The following PAK4 variants were observed in gnomAD, a reference collection of about 807,000 sequenced individuals.
PAK4 encodes the protein serine/threonine-protein kinase PAK 4.
Under a neutral mutation model 53.5 loss-of-function variants are expected in PAK4, and 49 were observed. The observed-to-expected ratio is 0.92, with a 90% CI of 0.73 to 1.16. PAK4 has a LOEUF of 1.16. Among genes scored for constraint, PAK4 ranks in the 50% most tolerant of loss-of-function variants. PAK4 has a pLI of 0.00. For missense variants in PAK4, 824 were observed against 850.7 expected (o/e 0.97, Z 0.39); for synonymous variants, 376 against 375.6 (o/e 1.00, Z -0.01).
At chr19:39,137,883 G>A (rs2073845004) in intron 1 of PAK4, among the ~76,000 whole-genome samples, 1 of 151,978 alleles carries the variant, frequency 6.6e-6, no homozygotes, top group South Asian at 2.1e-4. Context: ...AGCCAGGATG[G>A]TCTCGATCTC....
At chr19:39,136,821 C>G (rs1278874649) in intron 1 of PAK4, among the ~76,000 whole-genome samples, 2 of 152,198 alleles carry the variant, frequency 1.3e-5, no homozygotes, top group African/African-American at 4.8e-5. Context: ...CTAATGGGGA[C>G]CCGCCCTGGG....
intron 1 of PAK4, among the ~76,000 whole-genome samples, chr19:39,128,666 T>C (rs1028993353): frequency 1.3e-5 from 2 of 152,218 alleles, no homozygotes; most frequent in Non-Finnish European, 2.9e-5. Flanking sequence ...TCGTCTGGCC[T>C]GGGACAGAAC....
rs911935205 is a variant in PAK4 at position 39,178,464 on chromosome 19, T to C, written c.1661T>C (p.Val554Ala). 2 of 1,603,034 alleles carry C rather than the reference T, an allele frequency of 1.2e-6. No individual in the cohort carries two copies. Among genetic ancestry groups the C allele is most frequent in the African/African-American group, 2.7e-5 (2 of 74,612 alleles). The stretch of plus-strand genomic sequence containing the variant: ...AAGGGCTTCCTGGACCGCCTGCTGG[T>C]GCGAGACCCTGCCCAGCGGGCCACG... The change falls in exon 9 of 9, where the codon GTG becomes GCG. Residue 554 changes from valine (V) to alanine (A), a missense_variant. Transcript: ENST00000358301. The surrounding 1 kb of genome is among the most constrained non-coding windows in gnomAD (Gnocchi z 4.4).
At chr19:39,158,752 G>C (rs1279484354) in intron 1 of PAK4, among the ~76,000 whole-genome samples, 1 of 152,158 alleles carries the variant, frequency 6.6e-6, no homozygotes, top group Non-Finnish European at 1.5e-5. Context: ...TGGGGACACA[G>C]AGATGGCCCC....
chr19:39,178,375 A>G lies in PAK4; in HGVS notation c.1621-49A>G, dbSNP rs1333686633. The G allele has an allele frequency of 5.2e-6, 8 of 1,547,522 alleles. No individual in the cohort carries two copies. Among genetic ancestry groups the G allele is most frequent in the Non-Finnish European group, 6.1e-6 (7 of 1,146,374 alleles). ...GGCGGACACTGCAGCCCTACAGCAA[A>G]TGAACAGTGGGGAGCCTCGCCCCCT... On this transcript the variant is annotated intron_variant, in intron 8 of 8. Coordinates refer to ENST00000358301, the Ensembl canonical transcript of PAK4. This position sits in a 1 kb window ranked among gnomAD's most constrained non-coding sequence, Gnocchi z 4.4.
intron 4 of PAK4, 81 bp from the exon 6 acceptor site, chr19:39,174,839 AACTGCAGGGGG>A (rs1600408332): frequency 1.4e-6 from 2 of 1,471,442 alleles, no homozygotes; most frequent in Middle Eastern, 1.9e-4. Context: ...CTTAATGTGG[AACTGCAGGGGG>A]AGCCAGGGGG....
At chr19:39,126,074 G>A (rs2073570741) in intron 1 of PAK4, among the ~76,000 whole-genome samples, 155 bp downstream of exon 1, 1 of 152,140 alleles carries the variant, frequency 6.6e-6, no homozygotes, top group Non-Finnish European at 1.5e-5. Flanking sequence ...GCAGACTGGA[G>A]GGAGTTGTAG....
chr19:39,171,208 G>GTTTT (rs34497285), intron 2 of PAK4, among the ~76,000 whole-genome samples: 4 of 135,464 alleles, frequency 3.0e-5, no homozygotes, highest in African/African-American at 5.5e-5. Context: ...CTCCCTGTTG[G>GTTTT]TTTTTTTTTT....
At chr19:39,137,136 T>C (rs180809320) in intron 1 of PAK4, among the ~76,000 whole-genome samples, 113 of 151,590 alleles carry the variant, frequency 7.5e-4, no homozygotes, top group East Asian at 1.8e-3. Flanking sequence ...TGGTGCCTGA[T>C]ACATAAATAT....
chr19:39,150,167 T>C (rs2074070204), intron 1 of PAK4, among the ~76,000 whole-genome samples: 1 of 82,648 alleles, frequency 1.2e-5, no homozygotes, highest in Non-Finnish European at 2.7e-5. Flanking sequence ...GAGTTCTCTG[T>C]CCTGTTCCGC....
chr19:39,160,059 A>G (rs1327661229), intron 1 of PAK4, among the ~76,000 whole-genome samples: 1 of 152,136 alleles, frequency 6.6e-6, no homozygotes, highest in Non-Finnish European at 1.5e-5. Context: ...TGCAGTGGGG[A>G]GGGCCTGGGC....
rs543745548 is a variant in PAK4 at position 39,168,312 on chromosome 19, G to C, written c.-22-1220G>C. 4.0e-5 allele frequency: 6 copies of C among 151,690 alleles called. No homozygotes were observed. Among genetic ancestry groups the C allele is most frequent in the African/African-American group, 1.5e-4 (6 of 40,874 alleles). The allele number at this position is 151,690 out of a possible 1,614,324, so 9.4% of individuals were successfully genotyped here. ...ACCAGCATCAGACCAGGTGTGTGCA[G>C]GTGTGTGCGACTCCAGGGCCCAGGC... On this transcript the variant is annotated intron_variant, in intron 1 of 8. Transcript: ENST00000358301.
chr19:39,174,557 G>A (rs547890075), intron 4 of PAK4, among the ~76,000 whole-genome samples: 14 of 151,912 alleles, frequency 9.2e-5, no homozygotes, highest in Non-Finnish European at 2.1e-4. Flanking sequence ...TCACAGTGCC[G>A]GGCTGCACCA....
In PAK4 at chr19:39,156,341, A is replaced by C. The variant is rs571191207; in HGVS notation, c.-22-13191A>C. Reference sequence around the variant, plus strand: ...CCCCTGTCACTCCCCAGCCACCCCCACGTACATACCCTGGTCCCTTGTTTC... The same window carrying C: ...CCCCTGTCACTCCCCAGCCACCCCCCCGTACATACCCTGGTCCCTTGTTTC... On this transcript the variant is annotated intron_variant, in intron 1 of 8. Coordinates refer to ENST00000358301, the Ensembl canonical transcript of PAK4. Among the ~76,000 whole-genome samples, 3 of 134,952 alleles carry C rather than the reference A, an allele frequency of 2.2e-5. No individual in the cohort carries two copies. In the East Asian group the frequency reaches 6.5e-4, roughly 29 times the overall value. 88.5% of individuals were successfully genotyped at this position (134,952 alleles called of 152,430 possible). A position where few individuals can be genotyped will look rare whatever the true frequency, so the allele number is the denominator to read the frequency against.
chr19:39,174,142 C>T (rs1226775957), intron 4 of PAK4, 132 bp downstream of exon 5: 1 of 660,726 alleles, frequency 1.5e-6, no homozygotes, highest in East Asian at 2.7e-5. Flanking sequence ...ACTCTTCTCC[C>T]TCCCCAGGCC....
At chr19:39,146,447 A>G (rs1395057458) in intron 1 of PAK4, among the ~76,000 whole-genome samples, 2 of 152,378 alleles carry the variant, frequency 1.3e-5, no homozygotes, top group East Asian at 1.9e-4. Flanking sequence ...AAAGGCTAAA[A>G]GTTGGGAAAG....
At position 39,173,924 on chromosome 19, in the gene PAK4, G is replaced by A. The variant is rs1408964284; in HGVS notation, c.1012G>A (p.Ala338Thr). Residue 338 changes from alanine (A) to threonine (T), a missense_variant, in exon 4 of 9, where the codon GCC becomes ACC. Around this residue, in one of 2 missense-constraint regions of PAK4, gnomAD observed 346 missense variants for 415.0 expected, o/e 0.83. Transcript: ENST00000358301. This position sits in a 1 kb window ranked among gnomAD's most constrained non-coding sequence, Gnocchi z 6.9. ...GGGCTCCACGGGCATCGTGTGCATC[G>A]CCACCGTGCGCAGCTCGGGCAAGCT... The A allele has an allele frequency of 9.3e-6, 15 of 1,611,444 alleles. No individual in the cohort carries two copies. Among genetic ancestry groups the A allele is most frequent in the Non-Finnish European group, 1.2e-5 (14 of 1,179,498 alleles).
At chr19:39,157,267 G>A (rs181820392) in intron 1 of PAK4, among the ~76,000 whole-genome samples, 38 of 152,214 alleles carry the variant, frequency 2.5e-4, no homozygotes, top group African/African-American at 8.9e-4. Flanking sequence ...GTTATTCCTA[G>A]GTGCGTGTGT....
Position 39,176,164 on chromosome 19 carries a change from C to T in PAK4, c.1360-426C>T, listed in dbSNP as rs573688060. ...AAGAAGGTGTGAGAGGCCTGGTTGT[C>T]GCAAAGGCAGGCTGTGTCCCCTCAC... On this transcript the variant is annotated intron_variant, in intron 6 of 8. Coordinates refer to ENST00000358301, the Ensembl canonical transcript of PAK4. Among the ~76,000 whole-genome samples the T allele has an allele frequency of 2.0e-5, 3 of 152,356 alleles. No individual in the cohort carries two copies. In the South Asian group the frequency reaches 6.2e-4, roughly 32 times the overall value.
Sources: allele counts gnomAD v4.1 joint callset (sites outside exome capture counted in the v4.1 genomes callset), GRCh38; gene constraint gnomAD v4.1.1; regional missense constraint gnomAD v4.1.1; non-coding constraint Gnocchi (gnomAD v3.1); transcripts MANE v1.5; gene names NCBI Gene and HGNC (gene_info 2026-07-23, HGNC 2026-07-21).